Variants in COG6 observed in about 807,000 individuals in gnomAD.
COG6 encodes the protein component of oligomeric golgi complex 6.
Under a neutral mutation model 88.8 loss-of-function variants are expected in COG6, and 74 were observed. That is an observed-to-expected ratio of 0.83 (90% CI 0.69 to 1.01). The LOEUF (loss-of-function observed/expected upper bound fraction) is 1.01. COG6 is among the 50% of genes least tolerant of loss of function. The pLI is 0.00. For synonymous variants in COG6, 286 were observed against 278.7 expected (o/e 1.03, Z -0.26); for missense variants, 800 against 797.9 (o/e 1.00, Z -0.03).
intron 18 of COG6, among the ~76,000 whole-genome samples, chr13:39,737,776 A>G (rs1879839651): frequency 6.6e-6 from 1 of 151,986 alleles, no homozygotes; most frequent in Non-Finnish European, 1.5e-5. Context: ...AGTTTATTTC[A>G]GATCCCAGAG....
chr13:39,674,292 C>T (rs964457591), intron 4 of COG6, among the ~76,000 whole-genome samples: 1 of 150,410 alleles, frequency 6.6e-6, no homozygotes, highest in South Asian at 2.1e-4. Flanking sequence ...ACATGTTTCT[C>T]ATTTTGTTTT....
At chr13:39,719,177 T>C in intron 13 of COG6, 59 bp from the exon 14 acceptor site, 1 of 1,547,754 alleles carries the variant, frequency 6.5e-7, no homozygotes, top group Non-Finnish European at 8.9e-7. Context: ...AACTTACATT[T>C]ATACATTAAA....
intron 18 of COG6, among the ~76,000 whole-genome samples, chr13:39,786,003 A>G (rs1881762305): frequency 6.6e-6 from 1 of 152,208 alleles, no homozygotes; most frequent in Non-Finnish European, 1.5e-5. Flanking sequence ...TATAAGGTAC[A>G]GTCAGGATAG....
chr13:39,719,061 C>T (rs1324602716), intron 13 of COG6, among the ~76,000 whole-genome samples, 175 bp from the exon 14 acceptor site: 1 of 152,130 alleles, frequency 6.6e-6, no homozygotes, highest in East Asian at 1.9e-4. Flanking sequence ...GAACTTTTCT[C>T]TCACTTTGTG....
At chr13:39,688,932 G>A (rs1007692648) in intron 10 of COG6, among the ~76,000 whole-genome samples, 1 of 152,140 alleles carries the variant, frequency 6.6e-6, no homozygotes, top group African/African-American at 2.4e-5. Flanking sequence ...CATCTCTGTG[G>A]TTCACATTAT....
At chr13:39,729,932 A>T (rs1481160120) in intron 18 of COG6, among the ~76,000 whole-genome samples, 2 of 152,194 alleles carry the variant, frequency 1.3e-5, no homozygotes, top group Non-Finnish European at 2.9e-5. Context: ...TTGTGTATGG[A>T]TCTATTCGAG....
At chr13:39,772,427 C>T (rs760777274) in intron 18 of COG6, among the ~76,000 whole-genome samples, 2 of 152,224 alleles carry the variant, frequency 1.3e-5, no homozygotes, top group Non-Finnish European at 2.9e-5. Context: ...GACATGATTC[C>T]TGCCCTCAGG....
intron 18 of COG6, among the ~76,000 whole-genome samples, chr13:39,763,951 C>T (rs1881094652): frequency 6.6e-6 from 1 of 151,800 alleles, no homozygotes; most frequent in Admixed American, 6.6e-5. Flanking sequence ...CATATTCTCT[C>T]TGTTATCTGG....
intron 2 of COG6, among the ~76,000 whole-genome samples, 170 bp from the exon 3 acceptor site, chr13:39,660,640 C>T (rs1874837049): frequency 6.6e-6 from 1 of 152,114 alleles, no homozygotes; most frequent in African/African-American, 2.4e-5. Flanking sequence ...TTTTTTCTAA[C>T]ACTAGATGTT....
chr13:39,661,306 A>T lies in COG6; in HGVS notation c.369+425A>T, dbSNP rs538951697. Among the ~76,000 whole-genome samples the T allele has an allele frequency of 2.0e-5, 3 of 152,316 alleles. No individual in the cohort carries two copies. The South Asian group carries it at 6.2e-4, about 32-fold the overall frequency. ...AATATGTATACTTTTAGGTCTTTTA[A>T]TGAAAGCAGTCCTAAACTTATAGTT... On this transcript the variant is annotated intron_variant, in intron 3 of 18. Transcript: ENST00000455146.
exon 19 of COG6, chr13:39,789,607 G>A (rs1881881747): frequency 6.6e-6 from 1 of 152,194 alleles, no homozygotes; most frequent in Non-Finnish European, 1.5e-5. Flanking sequence ...GCTCCACCCT[G>A]TCTCATTCTC....
intron 18 of COG6, among the ~76,000 whole-genome samples, chr13:39,727,772 ATTGT>A (rs1879216606): frequency 6.6e-6 from 1 of 152,134 alleles, no homozygotes; most frequent in Non-Finnish European, 1.5e-5. Context: ...TTAGTACATG[ATTGT>A]TAAAATTACT....
In COG6 at chr13:39,731,995, G is replaced by C. The variant is rs143847484; in HGVS notation, c.1826+4447G>C. 5.3e-5 allele frequency among the ~76,000 whole-genome samples: 8 copies of C among 152,248 alleles called. No homozygotes were observed. In the East Asian group the frequency reaches 1.5e-3, roughly 29 times the overall value. ...AAAAGAAAGAGTATCTTAGCTGCAG[G>C]AGAGAAAAAGAGCAATTTGCTGTTC... On this transcript the variant is annotated intron_variant, in intron 18 of 18. Transcript: ENST00000455146.
intron 13 of COG6, among the ~76,000 whole-genome samples, chr13:39,714,058 A>G (rs1878389440): frequency 6.6e-6 from 1 of 152,216 alleles, no homozygotes; most frequent in African/African-American, 2.4e-5. Context: ...ATCAACTCTA[A>G]CTGTGGCAAA....
downstream of COG6, among the ~76,000 whole-genome samples, chr13:39,756,741 C>T (rs368645579): frequency 4.3e-4 from 64 of 147,562 alleles, no homozygotes; most frequent in African/African-American, 1.3e-3. Flanking sequence ...GAGCTCTGGG[C>T]GGGGCGGGGG....
chr13:39,790,601 A>C (rs1400040404), exon 19 of COG6: 1 of 152,096 alleles, frequency 6.6e-6, no homozygotes, highest in Non-Finnish European at 1.5e-5. Context: ...GCATTCTCAT[A>C]AACTAAGAAT....
chr13:39,681,491 T>C (rs969181117), intron 7 of COG6, among the ~76,000 whole-genome samples: 6 of 152,098 alleles, frequency 3.9e-5, no homozygotes, highest in African/African-American at 1.5e-4. Context: ...TTGTGGAGAC[T>C]ATGAAGTCAT....
intron 16 of COG6, among the ~76,000 whole-genome samples, chr13:39,724,278 C>T (rs1262408079): frequency 6.6e-6 from 1 of 151,938 alleles, no homozygotes; most frequent in African/African-American, 2.4e-5. Context: ...CTTGAAGTAT[C>T]ATGATATTTC....
intron 18 of COG6, among the ~76,000 whole-genome samples, chr13:39,737,299 G>A (rs1441986833): frequency 2.6e-5 from 4 of 152,044 alleles, no homozygotes; most frequent in African/African-American, 9.7e-5. Context: ...CTTGCCCAAG[G>A]CCCACAGGGA....
Sources: gnomAD v4.1 joint callset for allele counts (sites outside exome capture counted in the v4.1 genomes callset) on GRCh38, gnomAD v4.1.1 for gene constraint, MANE v1.5 for transcripts, NCBI Gene and HGNC (gene_info 2026-07-23, HGNC 2026-07-21) for gene names.